The following ZNF804B variants were observed in gnomAD, a reference collection of about 807,000 sequenced individuals.
ZNF804B encodes zinc finger 804B.
A neutral mutation model predicts 101.4 loss-of-function variants in ZNF804B; 80 were observed. That is an observed-to-expected ratio of 0.79 (90% CI 0.66 to 0.95). The LOEUF (loss-of-function observed/expected upper bound fraction) is 0.95. Among genes scored for constraint, ZNF804B ranks in the 40% least tolerant of loss-of-function variants. ZNF804B has a pLI of 0.00. For missense variants in ZNF804B, 1,673 were observed against 1,561.9 expected (o/e 1.07, Z -1.20); for synonymous variants, 622 against 558.8 (o/e 1.11, Z -1.59).
At chr7:88,775,480 A>G (rs1790128175) in intron 1 of ZNF804B, among the ~76,000 whole-genome samples, 2 of 152,248 alleles carry the variant, frequency 1.3e-5, no homozygotes, top group African/African-American at 2.4e-5. Flanking sequence ...TGATCATTCC[A>G]TAGTCCCAAC....
In ZNF804B at chr7:89,250,217, A is replaced by T. The variant is rs534645374; in HGVS notation, c.249+31922A>T. On this transcript the variant is annotated intron_variant, in intron 2 of 3. Transcript: ENST00000333190. ...AAAAAAATATAGGTAAAAAGAGAGA[A>T]GATCCAAATAAGCACAATCGGAAAT... is the stretch of plus-strand genomic sequence containing the variant. Among the ~76,000 whole-genome samples the T allele has an allele frequency of 7.9e-5, 12 of 152,146 alleles. No homozygotes were observed. In the East Asian group the frequency reaches 2.3e-3, roughly 29 times the overall value.
At chr7:89,113,222 T>C (rs968667016) in intron 1 of ZNF804B, among the ~76,000 whole-genome samples, 2 of 152,230 alleles carry the variant, frequency 1.3e-5, no homozygotes, top group Admixed American at 6.5e-5. Context: ...AAGGAACTTG[T>C]CAGTATGCCA....
intron 1 of ZNF804B, among the ~76,000 whole-genome samples, chr7:89,029,056 C>A (rs1788790290): frequency 6.6e-6 from 1 of 152,106 alleles, no homozygotes; most frequent in Non-Finnish European, 1.5e-5. Context: ...TGCTTATGAA[C>A]AAATGAATGA....
intron 1 of ZNF804B, among the ~76,000 whole-genome samples, chr7:88,877,036 T>TATATATA (rs1583992295): frequency 2.2e-5 from 1 of 46,496 alleles, no homozygotes; most frequent in East Asian, 5.3e-4. Context: ...AATATATATA[T>TATATATA]ATATATATAT....
chr7:88,823,587 G>A (rs1371123281), intron 1 of ZNF804B, among the ~76,000 whole-genome samples: 4 of 152,060 alleles, frequency 2.6e-5, no homozygotes, highest in East Asian at 1.9e-4. Context: ...GAAGGAAGGC[G>A]GCAGGTACGA....
chr7:88,848,645 A>C (rs1462610559), intron 1 of ZNF804B, among the ~76,000 whole-genome samples: 4 of 149,992 alleles, frequency 2.7e-5, no homozygotes, highest in African/African-American at 7.4e-5. Flanking sequence ...TTTTTAAAAA[A>C]CGTGTCTAGT....
chr7:89,242,546 G>A (rs537291054), intron 2 of ZNF804B, among the ~76,000 whole-genome samples: 2 of 151,164 alleles, frequency 1.3e-5, no homozygotes, highest in African/African-American at 4.8e-5. Context: ...CTAATGTGTG[G>A]ACAACATTTA....
intron 1 of ZNF804B, among the ~76,000 whole-genome samples, chr7:89,008,473 C>G (rs114866418): frequency 2.7e-3 from 418 of 152,260 alleles, no homozygotes; most frequent in Middle Eastern, 0.01. Flanking sequence ...AGACAAAGAG[C>G]TGTATTGATC....
In ZNF804B at chr7:88,836,124, C is replaced by T. The variant is rs193168354; in HGVS notation, c.108+76040C>T. On this transcript the variant is annotated intron_variant, in intron 1 of 3. Coordinates refer to ENST00000333190, the MANE Select transcript of ZNF804B (RefSeq NM_181646.5). ...GGGATCAAGGTGATCCTTTGATCAC[C>T]TCTGGCGGTCATACACATTAATTAG... Among the ~76,000 whole-genome samples the T allele has an allele frequency of 2.0e-3, 309 of 152,024 alleles. 2 individuals are homozygous for T. The highest frequency in any genetic ancestry group is 7.3e-3 in the African/African-American group (303 of 41,518).
intron 1 of ZNF804B, among the ~76,000 whole-genome samples, chr7:88,946,554 C>CTTTTTTTTTTTTTTTTTTTT (rs202172425): frequency 7.8e-6 from 1 of 128,120 alleles, no homozygotes. Context: ...CTGAAATTTT[C>CTTTTTTTTTTTTTTTTTTTT]TTTTTTTTTT....
intron 1 of ZNF804B, among the ~76,000 whole-genome samples, chr7:88,788,194 G>A (rs1469823346): frequency 6.6e-6 from 1 of 152,048 alleles, no homozygotes; most frequent in African/African-American, 2.4e-5. Context: ...AGGACTGGAG[G>A]CCAGGTGGAA....
intron 1 of ZNF804B, among the ~76,000 whole-genome samples, chr7:88,953,894 A>G (rs759160131): frequency 2.4e-4 from 36 of 151,752 alleles, no homozygotes; most frequent in Middle Eastern, 3.4e-3. Context: ...AATCACTAAC[A>G]TTTTACTGTT....
At chr7:88,926,001 C>G (rs1346602188) in intron 1 of ZNF804B, among the ~76,000 whole-genome samples, 1 of 152,062 alleles carries the variant, frequency 6.6e-6, no homozygotes, top group Admixed American at 6.6e-5. Context: ...TGCCCATAGA[C>G]TGGAGTCAGG....
intron 1 of ZNF804B, among the ~76,000 whole-genome samples, chr7:89,216,670 C>T (rs1788901833): frequency 6.6e-6 from 1 of 152,074 alleles, no homozygotes; most frequent in Admixed American, 6.5e-5. Flanking sequence ...ATGTGTTTTA[C>T]CCTCTTATAT....
intron 1 of ZNF804B, among the ~76,000 whole-genome samples, chr7:88,836,449 A>T (rs2115794753): frequency 6.6e-6 from 1 of 152,014 alleles, no homozygotes; most frequent in Middle Eastern, 3.4e-3. Flanking sequence ...CTACACAAAG[A>T]ATCACTTGGT....
chr7:89,058,000 GA>G (rs904693507), intron 1 of ZNF804B, among the ~76,000 whole-genome samples: 1 of 152,080 alleles, frequency 6.6e-6, no homozygotes, highest in African/African-American at 2.4e-5. Context: ...TTCTATCCCA[GA>G]AAAAGAGAAA....
At chr7:88,829,061 T>C (rs1173933352) in intron 1 of ZNF804B, among the ~76,000 whole-genome samples, 1 of 152,120 alleles carries the variant, frequency 6.6e-6, no homozygotes, top group Non-Finnish European at 1.5e-5. Context: ...ATCCTTTGTC[T>C]ATTATTACAT....
intron 1 of ZNF804B, among the ~76,000 whole-genome samples, chr7:88,901,875 T>G (rs1792396646): frequency 6.6e-6 from 1 of 151,878 alleles, no homozygotes; most frequent in Admixed American, 6.6e-5. Flanking sequence ...TGTCCATGTA[T>G]CCCAATTAAT....
chr7:89,011,734 A>G (rs976452812), intron 1 of ZNF804B, among the ~76,000 whole-genome samples: 3 of 150,268 alleles, frequency 2.0e-5, no homozygotes, highest in Non-Finnish European at 3.0e-5. Flanking sequence ...GGCCTTGGGG[A>G]GCTCTGCCCC....
Sources: allele counts gnomAD v4.1 joint callset (sites outside exome capture counted in the v4.1 genomes callset), GRCh38; gene constraint gnomAD v4.1.1; transcripts MANE v1.5; gene names NCBI Gene and HGNC (gene_info 2026-07-23, HGNC 2026-07-21).